The following DUXA variants were observed in gnomAD, a reference collection of about 807,000 sequenced individuals.
DUXA encodes double homeobox protein A.
A neutral mutation model predicts 27.5 loss-of-function variants in DUXA; 25 were observed. The ratio of observed to expected loss-of-function variants is 0.91; its 90% CI spans 0.66 to 1.27. The LOEUF (loss-of-function observed/expected upper bound fraction) is 1.27. DUXA is among the 50% of genes most tolerant of loss of function. The pLI, the probability that DUXA is intolerant of heterozygous loss-of-function variation, is 0.00. For synonymous variants in DUXA, 90 were observed against 80.5 expected, an observed-to-expected ratio of 1.12 and a Z score of -0.63; for missense variants, 247 against 242.9, an observed-to-expected ratio of 1.02 and a Z score of -0.11.
At chr19:57,158,598 T>A in intron 3 of DUXA, 125 bp from the exon 4 acceptor site, 1 of 1,163,354 alleles carries the variant, frequency 8.6e-7, no homozygotes, top group Non-Finnish European at 1.2e-6. Flanking sequence ...TGACTCCTCC[T>A]GAGAGGATCT....
intron 2 of DUXA, among the ~76,000 whole-genome samples, chr19:57,159,564 C>T (rs80249047): frequency 0.094 from 14,253 of 151,846 alleles, 1,056 homozygotes; most frequent in East Asian, 0.38. Context: ...AGGTGTGTGC[C>T]ATCATGCCTG....
intron 1 of DUXA, among the ~76,000 whole-genome samples, chr19:57,166,476 A>AT (rs2087055472): frequency 6.6e-6 from 1 of 152,012 alleles, no homozygotes; most frequent in South Asian, 2.1e-4. Flanking sequence ...CGCCTGGTTA[A>AT]TTTTTGTATT....
chr19:57,161,420 G>C (rs184162104), intron 1 of DUXA, among the ~76,000 whole-genome samples: 1 of 148,162 alleles, frequency 6.7e-6, no homozygotes, highest in African/African-American at 2.5e-5. Context: ...TCAGGAGATC[G>C]AGACCATCCT....
intron 2 of DUXA, among the ~76,000 whole-genome samples, chr19:57,159,483 G>A (rs1293284013): frequency 2.6e-5 from 4 of 151,894 alleles, no homozygotes; most frequent in East Asian, 3.9e-4. Flanking sequence ...GCGTGATCTC[G>A]GCTCACTGCA....
chr19:57,161,343 A>AAAAAAC, intron 1 of DUXA, among the ~76,000 whole-genome samples: 1 of 131,762 alleles, frequency 7.6e-6, no homozygotes, highest in African/African-American at 2.8e-5. Flanking sequence ...AAAAAAAAAA[A>AAAAAAC]CTGGGCGCGG....
chr19:57,165,828 C>CCCTATT (rs2087051774), intron 1 of DUXA, among the ~76,000 whole-genome samples: 1 of 146,278 alleles, frequency 6.8e-6, no homozygotes, highest in South Asian at 2.2e-4. Context: ...AAAAGCCAGA[C>CCCTATT]CCTATTCTAG....
chr19:57,162,648 C>T (rs2087030272), intron 1 of DUXA, among the ~76,000 whole-genome samples: 1 of 152,164 alleles, frequency 6.6e-6, no homozygotes, highest in South Asian at 2.1e-4. Context: ...AGTCTCGGCT[C>T]ACTGCAACCT....
chr19:57,165,324 A>AATATATATATATATATATAT (rs74179420), intron 1 of DUXA, among the ~76,000 whole-genome samples: 40 of 89,234 alleles, frequency 4.5e-4, no homozygotes, highest in South Asian at 7.6e-4. Flanking sequence ...AAAAAAAAAA[A>AATATATATATATATATATAT]ATATATATAT....
intron 2 of DUXA, among the ~76,000 whole-genome samples, chr19:57,159,799 T>G (rs912780962): frequency 2.0e-5 from 3 of 149,392 alleles, no homozygotes; most frequent in Non-Finnish European, 3.0e-5. Flanking sequence ...AACAAAAAAG[T>G]TAAAAAAAAA....
Position 57,161,324 on chromosome 19 carries a change from C to CAAAAAAAAAAAAAAAAAAAAA in DUXA, c.26-528_26-527insTTTTTTTTTTTTTTTTTTTTT, listed in dbSNP as rs71186230. ...TGGGTAACAGAGTGAGACTCTATCT[C>CAAAAAAAAAAAAAAAAAAAAA]AAAAAAAAAAAAAAAAAAACTGGGC... On this transcript the variant is annotated intron_variant, in intron 1 of 5. Transcript: ENST00000554048. 7.2e-4 allele frequency among the ~76,000 whole-genome samples: 34 copies of CAAAAAAAAAAAAAAAAAAAAA among 47,378 alleles called. 2 individuals are homozygous for CAAAAAAAAAAAAAAAAAAAAA. Among genetic ancestry groups the CAAAAAAAAAAAAAAAAAAAAA allele is most frequent in the Non-Finnish European group, 1.0e-3 (30 of 29,640 alleles). 31.1% of individuals were successfully genotyped at this position (47,378 alleles called of 152,430 possible). A position where few individuals can be genotyped will look rare whatever the true frequency, so the allele number is the denominator to read the frequency against.
At chr19:57,162,610 T>C (rs2122697180) in intron 1 of DUXA, among the ~76,000 whole-genome samples, 1 of 152,268 alleles carries the variant, frequency 6.6e-6, no homozygotes. Context: ...GTTTCACTCT[T>C]GTTGCCCAGG....
At chr19:57,158,617 G>T in intron 3 of DUXA, 144 bp from the exon 4 acceptor site, 2 of 1,030,576 alleles carry the variant, frequency 1.9e-6, no homozygotes, top group Non-Finnish European at 2.8e-6. Flanking sequence ...CTTGTCCCAG[G>T]TTCCTTCCAG....
At chr19:57,162,527 T>C (rs1400986183) in intron 1 of DUXA, among the ~76,000 whole-genome samples, 1 of 152,212 alleles carries the variant, frequency 6.6e-6, no homozygotes, top group East Asian at 1.9e-4. Context: ...GATCTTTGAA[T>C]GCTTGCCCTT....
At chr19:57,164,096 A>G (rs190724557) in intron 1 of DUXA, among the ~76,000 whole-genome samples, 16 of 152,294 alleles carry the variant, frequency 1.1e-4, no homozygotes, top group African/African-American at 3.4e-4. Flanking sequence ...AAAGCAGGCA[A>G]ATAGACACAT....
intron 1 of DUXA, among the ~76,000 whole-genome samples, chr19:57,162,165 G>C (rs1406035658): frequency 6.6e-6 from 1 of 152,108 alleles, no homozygotes; most frequent in Non-Finnish European, 1.5e-5. Flanking sequence ...TGAGATTACA[G>C]ATATGAGCCA....
intron 4 of DUXA, among the ~76,000 whole-genome samples, chr19:57,156,319 C>T (rs1325580860): frequency 6.6e-6 from 1 of 152,194 alleles, no homozygotes; most frequent in Non-Finnish European, 1.5e-5. Flanking sequence ...GCATGTAAAA[C>T]TTATGCATAT....
chr19:57,159,374 G>A (rs1162610938), intron 2 of DUXA, 96 bp from the exon 3 acceptor site: 2 of 1,099,462 alleles, frequency 1.8e-6, no homozygotes, highest in African/African-American at 3.1e-5. Flanking sequence ...ATTGGGCCTA[G>A]GCCCAGGATT....
intron 1 of DUXA, among the ~76,000 whole-genome samples, chr19:57,165,602 G>A (rs1006331348): frequency 1.3e-5 from 2 of 151,422 alleles, no homozygotes; most frequent in African/African-American, 2.4e-5. Context: ...TCAGGAGATC[G>A]AGACCATCCT....
At chr19:57,161,439 T>G (rs201896990) in intron 1 of DUXA, among the ~76,000 whole-genome samples, 1 of 144,218 alleles carries the variant, frequency 6.9e-6, no homozygotes, top group African/African-American at 2.7e-5. Flanking sequence ...CTGGCTAACA[T>G]GATGAAACCC....
Sources: allele counts gnomAD v4.1 joint callset (sites outside exome capture counted in the v4.1 genomes callset), GRCh38; gene constraint gnomAD v4.1.1; transcripts MANE v1.5; gene names NCBI Gene and HGNC (gene_info 2026-07-23, HGNC 2026-07-21).